CD5L: variants seen among roughly 807,000 people sequenced by gnomAD.
CD5L encodes CD5 antigen-like.
CD5L carries 39 observed loss-of-function variants against 40.8 expected under a neutral mutation model. The ratio of observed to expected loss-of-function variants is 0.96; its 90% CI spans 0.74 to 1.25. CD5L has a LOEUF of 1.25. CD5L is among the 50% of genes most tolerant of loss of function. The probability of loss-of-function intolerance (pLI) is 0.00; values close to 1 mark genes in which losing one functional copy is unlikely to be tolerated. For missense variants in CD5L, 433 were observed against 435.9 expected (o/e 0.99, Z 0.06); for synonymous variants, 192 against 169.6 (o/e 1.13, Z -1.03).
intron 3 of CD5L, among the ~76,000 whole-genome samples, chr1:157,835,331 A>C (rs1407011390): frequency 2.0e-5 from 3 of 152,242 alleles, no homozygotes; most frequent in Admixed American, 2.0e-4. Flanking sequence ...GGGGAAGTAA[A>C]GGAGCACAGA....
In CD5L at chr1:157,834,587, C is replaced by G; in HGVS notation, c.538G>C (p.Gly180Arg). 1 of 1,614,190 alleles carries G rather than the reference C, an allele frequency of 6.2e-7. No homozygotes were observed. The highest frequency in any genetic ancestry group is 8.5e-7 in the Non-Finnish European group (1 of 1,180,040). Residue 180 changes from glycine (G) to arginine (R), a missense_variant, in exon 4 of 6, where the codon GGA (glycine) becomes CGA (arginine). Gly to Arg is a moderately radical substitution (Grantham distance 125, BLOSUM62 -2). Transcript: ENST00000368174. Reference protein sequence around the residue: ...RAAKVVCRQLGCGRAVLTQKR... With the variant: ...RAAKVVCRQLRCGRAVLTQKR... ...TGAGTCAGTACAGCCCTCCCACATC[C>G]CAGCTGCCGGCACACCACCTTTGCG...
At chr1:157,841,341 G>C (rs983445608) in intron 1 of CD5L, among the ~76,000 whole-genome samples, 13 of 152,156 alleles carry the variant, frequency 8.5e-5, no homozygotes, top group Non-Finnish European at 1.8e-4. Context: ...TTCCTTTCCT[G>C]GCTCTACTTG....
chr1:157,832,802 G>T (rs1656083277), intron 5 of CD5L, among the ~76,000 whole-genome samples: 1 of 152,126 alleles, frequency 6.6e-6, no homozygotes, highest in African/African-American at 2.4e-5. Flanking sequence ...GTTTATTATG[G>T]TTCTGCTATA....
intron 2 of CD5L, among the ~76,000 whole-genome samples, chr1:157,837,764 T>C (rs1189230613): frequency 1.5e-5 from 2 of 134,828 alleles, no homozygotes; most frequent in African/African-American, 5.4e-5. Flanking sequence ...AAAACTCTAA[T>C]CTAGCTATTT....
In CD5L at chr1:157,834,578, T is replaced by C; in HGVS notation, c.547A>G (p.Arg183Gly). The stretch of plus-strand genomic sequence containing the variant: ...CAGCGTTTTTGAGTCAGTACAGCCC[T>C]CCCACATCCCAGCTGCCGGCACACC... ...KVVCRQLGCG[R>G]AVLTQKRCNK... is the part of the protein sequence containing the mutation. Residue 183 changes from arginine (R) to glycine (G), a missense_variant, in exon 4 of 6, where the codon AGG becomes GGG. By Grantham distance (125) the Arg-to-Gly change is moderately radical. Coordinates refer to ENST00000368174, the MANE Select transcript of CD5L (RefSeq NM_005894.3). 6.2e-7 allele frequency: 1 copy of C among 1,614,112 alleles called. No homozygotes were observed. Among genetic ancestry groups the C allele is most frequent in the Non-Finnish European group, 8.5e-7 (1 of 1,180,014 alleles).
chr1:157,833,186 A>C lies in CD5L; in HGVS notation c.1039+6T>G. On this transcript the variant is annotated splice_donor_region_variant and intron_variant, in intron 5 of 5. Coordinates refer to ENST00000368174, the MANE Select transcript of CD5L (RefSeq NM_005894.3). ...AGCCCTTATGAACTCCATCTGTAGG[A>C]CTCACCTGAGCAGATGACAGCCACA... The C allele has an allele frequency of 3.1e-6, 5 of 1,605,236 alleles. No individual in the cohort carries two copies. Among genetic ancestry groups the C allele is most frequent in the Non-Finnish European group, 3.4e-6 (4 of 1,173,456 alleles).
intron 2 of CD5L, among the ~76,000 whole-genome samples, chr1:157,838,898 T>C (rs1450389353): frequency 6.6e-6 from 1 of 152,224 alleles, no homozygotes; most frequent in African/African-American, 2.4e-5. Context: ...GTTTATCATT[T>C]GTGCATTACC....
chr1:157,828,423 C>T (rs758591510), downstream of CD5L, among the ~76,000 whole-genome samples: 2 of 152,020 alleles, frequency 1.3e-5, no homozygotes, highest in Non-Finnish European at 2.9e-5. Context: ...CTCAAGTGCC[C>T]GCATGTCTTA....
At position 157,831,329 on chromosome 1, in the gene CD5L, GA is replaced by G; in HGVS notation, c.*634del. 1.0e-6 allele frequency: 1 copy of G among 985,236 alleles called. No homozygotes were observed. Among genetic ancestry groups the G allele is most frequent in the Non-Finnish European group, 1.2e-6 (1 of 829,920 alleles). 61.0% of individuals were successfully genotyped at this position (985,236 alleles called of 1,614,324 possible). ...TGAAACATCATTTTTTACACGTCAT[GA>G]AAAGGTCTAGGATTATAGGACGCTG... On this transcript the variant is annotated 3_prime_UTR_variant, in exon 6 of 6. Transcript: ENST00000368174.
chr1:157,830,171 T>C (rs1333016619), downstream of CD5L, among the ~76,000 whole-genome samples: 1 of 152,214 alleles, frequency 6.6e-6, no homozygotes, highest in Non-Finnish European at 1.5e-5. Flanking sequence ...TCTAGCTCTT[T>C]CTGTAGGCAA....
At chr1:157,832,262 T>C (rs1273920451) in intron 5 of CD5L, among the ~76,000 whole-genome samples, 1 of 152,218 alleles carries the variant, frequency 6.6e-6, no homozygotes, top group Non-Finnish European at 1.5e-5. Context: ...TTTCTATTTC[T>C]ACCCATGGAA....
At position 157,838,920 on chromosome 1, in the gene CD5L, C is replaced by T. The variant is rs1008155705; in HGVS notation, c.55+464G>A. 3.3e-5 allele frequency among the ~76,000 whole-genome samples: 5 copies of T among 152,196 alleles called. No homozygotes were observed. In the East Asian group the frequency reaches 7.7e-4, roughly 23 times the overall value. ...ATTTGTGCATTACCCAAAGACTCCC[C>T]GAGCAGGAAATCCAGCCTATGCTCT... On this transcript the variant is annotated intron_variant, in intron 2 of 5. Transcript: ENST00000368174.
intron 2 of CD5L, among the ~76,000 whole-genome samples, chr1:157,837,717 G>C (rs1656256496): frequency 6.6e-6 from 1 of 151,360 alleles, no homozygotes; most frequent in Non-Finnish European, 1.5e-5. Flanking sequence ...AAAGTCCCCA[G>C]AGTTTAGAAT....
At chr1:157,827,303 TG>T (rs1655926872), downstream of CD5L, among the ~76,000 whole-genome samples, 1 of 151,230 alleles carries the variant, frequency 6.6e-6, no homozygotes, top group Non-Finnish European at 1.5e-5. Context: ...TGTGTGTGTG[TG>T]TGTGTGTGTT....
At chr1:157,841,027 A>G (rs1272171303) in intron 1 of CD5L, among the ~76,000 whole-genome samples, 1 of 151,972 alleles carries the variant, frequency 6.6e-6, no homozygotes, top group Non-Finnish European at 1.5e-5. Context: ...TATATTAGTT[A>G]TCTTATAAAA....
chr1:157,835,904 A>G lies in CD5L; in HGVS notation c.307T>C (p.Leu103=), dbSNP rs150678052. 21 of 1,614,070 alleles carry G rather than the reference A, an allele frequency of 1.3e-5. No homozygotes were observed. The African/African-American group carries it at 2.7e-4, about 21-fold the overall frequency. ...ACTTCTTCTTGCTCACACTGAGCCA[A>G]TGTATCTTCTGTTCCTGTGCAACTG... The part of the protein sequence containing the change: ...SVSCTGTEDT[L]AQCEQEEVYD... Residue 103 remains leucine (L), a synonymous_variant, in exon 3 of 6, where the codon TTG becomes CTG. Coordinates refer to ENST00000368174, the MANE Select transcript of CD5L (RefSeq NM_005894.3).
intron 5 of CD5L, 37 bp downstream of exon 5, chr1:157,833,155 C>T (rs1445894428): frequency 6.6e-7 from 1 of 1,512,272 alleles, no homozygotes; most frequent in Non-Finnish European, 9.1e-7. Flanking sequence ...TATCATCCTC[C>T]TTGCCAGCCC....
At chr1:157,827,447 G>A (rs1161578030), downstream of CD5L, among the ~76,000 whole-genome samples, 1 of 152,168 alleles carries the variant, frequency 6.6e-6, no homozygotes, top group Admixed American at 6.5e-5. Context: ...ACCTGATGTT[G>A]TAAGTTCTGA....
chr1:157,836,713 C>T (rs902767214), intron 2 of CD5L, among the ~76,000 whole-genome samples: 15 of 152,228 alleles, frequency 9.9e-5, no homozygotes, highest in African/African-American at 1.9e-4. Flanking sequence ...AACAGCCTAA[C>T]TATCTCTCAC....
Sources: allele counts gnomAD v4.1 joint callset (sites outside exome capture counted in the v4.1 genomes callset), GRCh38; gene constraint gnomAD v4.1.1; transcripts MANE v1.5; gene names NCBI Gene and HGNC (gene_info 2026-07-23, HGNC 2026-07-21).